The following CORIN variants were observed in gnomAD, a reference collection of about 807,000 sequenced individuals.
CORIN encodes the protein atrial natriuretic peptide-converting enzyme.
Under a neutral mutation model 125.3 loss-of-function variants are expected in CORIN, and 117 were observed. That is an observed-to-expected ratio of 0.93 (90% CI 0.80 to 1.09). The LOEUF (loss-of-function observed/expected upper bound fraction) is 1.09. Among genes scored for constraint, CORIN ranks in the 50% least tolerant of loss-of-function variants. The pLI is 0.00. For synonymous variants in CORIN, 450 were observed against 466.4 expected, an observed-to-expected ratio of 0.96 and a Z score of 0.45; for missense variants, 1,253 against 1,306.7, an observed-to-expected ratio of 0.96 and a Z score of 0.63.
intron 5 of CORIN, among the ~76,000 whole-genome samples, chr4:47,696,890 T>C (rs1305170692): frequency 6.6e-6 from 1 of 152,200 alleles, no homozygotes; most frequent in Non-Finnish European, 1.5e-5. Context: ...TTGTTAACTT[T>C]TAGAGTCCTT....
At chr4:47,633,209 A>G (rs1409723987) in intron 16 of CORIN, among the ~76,000 whole-genome samples, 1 of 152,242 alleles carries the variant, frequency 6.6e-6, no homozygotes, top group Non-Finnish European at 1.5e-5. Flanking sequence ...TTAATGGATC[A>G]TAAAATTAAC....
chr4:47,744,176 G>A (rs1427897254), intron 5 of CORIN, among the ~76,000 whole-genome samples: 1 of 152,172 alleles, frequency 6.6e-6, no homozygotes, highest in East Asian at 1.9e-4. Context: ...ATAGAAGTAA[G>A]GATAGAGGTT....
intron 5 of CORIN, among the ~76,000 whole-genome samples, chr4:47,729,528 A>G (rs973966096): frequency 3.3e-5 from 5 of 152,174 alleles, no homozygotes; most frequent in African/African-American, 4.8e-5. Flanking sequence ...AAACATTAGG[A>G]GAAAAGTCAG....
rs750380242 is a variant in CORIN at position 47,678,031 on chromosome 4, C to A, written c.1156G>T (p.Glu386Ter). Residue 386 changes from glutamate to a stop codon, truncating the protein, a stop_gained, in exon 9 of 22, where the codon GAA (glutamate) becomes TAA (stop). Transcript: ENST00000273857. LOFTEE classifies it high-confidence loss of function. ...NCSCHSQGLV[E>*]CRNGQCIPST... Reference sequence around the variant, plus strand: ...GGGATACATTGTCCATTTCTGCATTCCACCAGACCCTGGCTGTGACAGGCT... The same window carrying A: ...GGGATACATTGTCCATTTCTGCATTACACCAGACCCTGGCTGTGACAGGCT... 2.6e-5 allele frequency: 42 copies of A among 1,613,774 alleles called. No homozygotes were observed. The Admixed American group carries it at 7.0e-4, about 27-fold the overall frequency.
chr4:47,642,756 A>G (rs1277538679), intron 15 of CORIN: 6 of 1,092,646 alleles, frequency 5.5e-6, no homozygotes, highest in Non-Finnish European at 7.6e-6. Context: ...TTGGACCTGA[A>G]GAGTGTAGGG....
At chr4:47,813,828 C>G (rs1475319967) in intron 1 of CORIN, among the ~76,000 whole-genome samples, 1 of 152,126 alleles carries the variant, frequency 6.6e-6, no homozygotes, top group East Asian at 1.9e-4. Flanking sequence ...AGAGGTTATC[C>G]TAATTCATAT....
intron 5 of CORIN, among the ~76,000 whole-genome samples, chr4:47,703,191 C>T (rs936600390): frequency 1.3e-5 from 2 of 152,202 alleles, no homozygotes; most frequent in African/African-American, 2.4e-5. Flanking sequence ...CCCTCCTATA[C>T]TCTCCATTCC....
intron 19 of CORIN, among the ~76,000 whole-genome samples, chr4:47,608,284 C>T (rs1334604628): frequency 6.6e-6 from 1 of 152,140 alleles, no homozygotes; most frequent in Non-Finnish European, 1.5e-5. Context: ...TCGGCCATTG[C>T]ACTCCAGCCT....
intron 6 of CORIN, among the ~76,000 whole-genome samples, chr4:47,688,990 T>C (rs189721850): frequency 5.6e-4 from 86 of 152,334 alleles, no homozygotes; most frequent in African/African-American, 1.9e-3. Flanking sequence ...TTTTATTTTG[T>C]GCTTTTTAGG....
chr4:47,640,792 C>G (rs937717551), intron 16 of CORIN, among the ~76,000 whole-genome samples: 4 of 152,102 alleles, frequency 2.6e-5, no homozygotes, highest in Admixed American at 2.0e-4. Context: ...GTTGTAAAAT[C>G]TTTGCAGTTT....
At chr4:47,689,013 T>C (rs1475654816) in intron 6 of CORIN, among the ~76,000 whole-genome samples, 1 of 152,220 alleles carries the variant, frequency 6.6e-6, no homozygotes, top group Non-Finnish European at 1.5e-5. Flanking sequence ...GCCTCCATTC[T>C]AAAATAGCTT....
intron 3 of CORIN, among the ~76,000 whole-genome samples, chr4:47,764,961 C>T (rs1344089811): frequency 1.3e-5 from 2 of 152,122 alleles, no homozygotes; most frequent in East Asian, 3.8e-4. Context: ...TCATTCCCTC[C>T]ACCCAGCCAA....
chr4:47,628,431 T>G (rs1237910762), intron 16 of CORIN, among the ~76,000 whole-genome samples: 1 of 142,300 alleles, frequency 7.0e-6, no homozygotes, highest in Non-Finnish European at 1.5e-5. Flanking sequence ...TATCACCACA[T>G]AGTTACGTGT....
chr4:47,833,060 G>A (rs1192303409), intron 1 of CORIN, among the ~76,000 whole-genome samples: 41 of 151,956 alleles, frequency 2.7e-4, no homozygotes, highest in Admixed American at 2.4e-3. Flanking sequence ...AGTCTAGGAT[G>A]AGACTGGATC....
chr4:47,637,839 A>G (rs1474122133), intron 16 of CORIN, among the ~76,000 whole-genome samples: 2 of 152,204 alleles, frequency 1.3e-5, no homozygotes, highest in African/African-American at 4.8e-5. Flanking sequence ...GGCATTGCCT[A>G]GTGGAGCTGT....
At chr4:47,628,211 T>TA (rs1722656203) in intron 16 of CORIN, among the ~76,000 whole-genome samples, 1 of 152,210 alleles carries the variant, frequency 6.6e-6, no homozygotes, top group Non-Finnish European at 1.5e-5. Flanking sequence ...ATGGCCCATT[T>TA]AAAAAAGTCA....
In CORIN at chr4:47,706,930, T is replaced by C. The variant is rs887914611; in HGVS notation, c.800-13847A>G. The C allele has an allele frequency of 1.1e-5, 17 of 1,599,710 alleles. No homozygotes were observed. In the African/African-American group the frequency reaches 2.1e-4, roughly 20 times the overall value. On this transcript the variant is annotated intron_variant, in intron 5 of 21. Coordinates refer to ENST00000273857, the MANE Select transcript of CORIN (RefSeq NM_006587.4). The stretch of plus-strand genomic sequence containing the variant: ...ATAAGTTCCACCACACTATTTGTGG[T>C]TCTCGCCGGGCAGCTTGGAGAAGGC...
chr4:47,619,845 G>T (rs7673289), intron 19 of CORIN, among the ~76,000 whole-genome samples: 8 of 151,790 alleles, frequency 5.3e-5, no homozygotes, highest in African/African-American at 1.7e-4. Flanking sequence ...TCTTGCTAGT[G>T]TAACCTTCTT....
intron 5 of CORIN, among the ~76,000 whole-genome samples, chr4:47,715,397 G>A (rs1727043072): frequency 2.0e-5 from 3 of 152,138 alleles, no homozygotes; most frequent in African/African-American, 7.2e-5. Context: ...CCTAAGCTCA[G>A]GAGTTTAAGA....
Sources: gnomAD v4.1 joint callset for allele counts (sites outside exome capture counted in the v4.1 genomes callset) on GRCh38, gnomAD v4.1.1 for gene constraint, MANE v1.5 for transcripts, NCBI Gene and HGNC (gene_info 2026-07-23, HGNC 2026-07-21) for gene names.